SHROOM3: variants seen among roughly 807,000 people sequenced by gnomAD.
The protein encoded by SHROOM3 is protein Shroom3.
A neutral mutation model predicts 138.6 loss-of-function variants in SHROOM3; 47 were observed. The ratio of observed to expected loss-of-function variants is 0.34; its 90% CI spans 0.27 to 0.43. SHROOM3 has a LOEUF of 0.43. SHROOM3 is among the 20% of genes least tolerant of loss of function. SHROOM3 has a pLI of 1.00. For synonymous variants in SHROOM3, 1,062 were observed against 1,063.3 expected (o/e 1.00, Z 0.02); for missense variants, 2,491 against 2,596.5 (o/e 0.96, Z 0.88).
intron 2 of SHROOM3, among the ~76,000 whole-genome samples, chr4:76,642,123 G>A (rs1228474447): frequency 6.6e-6 from 1 of 152,130 alleles, no homozygotes; most frequent in Non-Finnish European, 1.5e-5. Flanking sequence ...TGTCTTATAT[G>A]TGCTTCTGAT....
chr4:76,573,836 C>T (rs1319490517), intron 2 of SHROOM3, among the ~76,000 whole-genome samples: 2 of 152,170 alleles, frequency 1.3e-5, no homozygotes, highest in Non-Finnish European at 2.9e-5. Flanking sequence ...GACCCAGGGC[C>T]CATCCTAGGA....
chr4:76,596,581 AACACACACACAC>A (rs58214296), intron 2 of SHROOM3, among the ~76,000 whole-genome samples: 78 of 138,226 alleles, frequency 5.6e-4, no homozygotes, highest in East Asian at 3.7e-3. Flanking sequence ...GGTACAGAGA[AACACACACACAC>A]ACACACACAC....
chr4:76,774,167 T>C (rs1362117181), intron 10 of SHROOM3, among the ~76,000 whole-genome samples: 2 of 152,150 alleles, frequency 1.3e-5, no homozygotes, highest in African/African-American at 2.4e-5. Context: ...AAGTTTCCTA[T>C]TGGGCCACCT....
chr4:76,503,167 CCACACACACACACA>C (rs111393161), intron 1 of SHROOM3, among the ~76,000 whole-genome samples: 2,284 of 145,924 alleles, frequency 0.016, 57 homozygotes, highest in African/African-American at 0.056. Context: ...TTGTCAACTT[CCACACACACACACA>C]CACACACACA....
intron 2 of SHROOM3, among the ~76,000 whole-genome samples, chr4:76,654,755 G>A (rs1209891247): frequency 6.6e-6 from 1 of 152,186 alleles, no homozygotes; most frequent in Non-Finnish European, 1.5e-5. Flanking sequence ...GCCTCTCACA[G>A]TTGGGGTGCC....
At chr4:76,648,725 T>C (rs551158454) in intron 2 of SHROOM3, among the ~76,000 whole-genome samples, 43 of 152,322 alleles carry the variant, frequency 2.8e-4, no homozygotes, top group African/African-American at 1.0e-3. Context: ...GATTAGAAAC[T>C]GTGACCATGT....
intron 2 of SHROOM3, among the ~76,000 whole-genome samples, chr4:76,609,565 C>G (rs532812015): frequency 6.6e-6 from 1 of 152,214 alleles, no homozygotes; most frequent in Non-Finnish European, 1.5e-5. Context: ...GCCATTGCAA[C>G]TGGCCCTCAG....
chr4:76,718,519 G>C (rs1720446914), intron 3 of SHROOM3, among the ~76,000 whole-genome samples: 2 of 152,212 alleles, frequency 1.3e-5, no homozygotes, highest in South Asian at 4.1e-4. Flanking sequence ...AGATTCTTTT[G>C]AGCATTATTT....
intron 1 of SHROOM3, among the ~76,000 whole-genome samples, chr4:76,502,302 C>T (rs1424916935): frequency 6.6e-6 from 1 of 152,074 alleles, no homozygotes; most frequent in Non-Finnish European, 1.5e-5. Context: ...ACAGAAAATG[C>T]ACTAAGACAC....
chr4:76,578,476 G>C (rs1255916372), intron 2 of SHROOM3, among the ~76,000 whole-genome samples: 2 of 152,186 alleles, frequency 1.3e-5, no homozygotes, highest in Non-Finnish European at 2.9e-5. Flanking sequence ...TTTGTGAACT[G>C]CATGGGGTTG....
At chr4:76,603,598 T>TA (rs1734554339) in intron 2 of SHROOM3, among the ~76,000 whole-genome samples, 1 of 152,104 alleles carries the variant, frequency 6.6e-6, no homozygotes, top group African/African-American at 2.4e-5. Context: ...TTCTTTTTTT[T>TA]AATATTTTAA....
intron 4 of SHROOM3, among the ~76,000 whole-genome samples, chr4:76,737,937 T>C (rs344139): frequency 0.45 from 68,539 of 151,648 alleles, 16,027 homozygotes; most frequent in Middle Eastern, 0.58. Flanking sequence ...TGATTGATAG[T>C]CTTTTTCCTC....
chr4:76,663,074 A>C (rs1718587909), intron 2 of SHROOM3, among the ~76,000 whole-genome samples: 1 of 152,186 alleles, frequency 6.6e-6, no homozygotes, highest in East Asian at 1.9e-4. Context: ...TGATCCTATA[A>C]GGGGACTTTG....
intron 9 of SHROOM3, among the ~76,000 whole-genome samples, chr4:76,761,890 T>C (rs535353682): frequency 3.3e-5 from 5 of 152,272 alleles, no homozygotes; most frequent in African/African-American, 9.6e-5. Flanking sequence ...ACCTAGCACG[T>C]GCTCAATAAA....
chr4:76,494,443 C>T (rs1264037439), intron 1 of SHROOM3, among the ~76,000 whole-genome samples: 1 of 152,192 alleles, frequency 6.6e-6, no homozygotes, highest in African/African-American at 2.4e-5. Context: ...CACTTAACAC[C>T]TCTGCATTGG....
intron 2 of SHROOM3, among the ~76,000 whole-genome samples, chr4:76,608,673 T>TAGCACAGCACAGCAC (rs559667555): frequency 1.9e-5 from 2 of 108,040 alleles, no homozygotes; most frequent in African/African-American, 7.0e-5. Context: ...TAGCACAGCA[T>TAGCACAGCACAGCAC]AGCACAGCAC....
At chr4:76,529,020 C>T (rs1056496003) in intron 1 of SHROOM3, among the ~76,000 whole-genome samples, 2 of 152,176 alleles carry the variant, frequency 1.3e-5, no homozygotes, top group African/African-American at 4.8e-5. Flanking sequence ...TGCCATCTGC[C>T]GCTGATGTTC....
chr4:76,655,656 G>T (rs2110090505), intron 2 of SHROOM3, among the ~76,000 whole-genome samples: 1 of 152,270 alleles, frequency 6.6e-6, no homozygotes, highest in South Asian at 2.1e-4. Context: ...AACACTGTAG[G>T]ATTAGCTGCC....
intron 2 of SHROOM3, among the ~76,000 whole-genome samples, chr4:76,678,782 T>G (rs1352922281): frequency 6.6e-6 from 1 of 152,170 alleles, no homozygotes; most frequent in Non-Finnish European, 1.5e-5. Flanking sequence ...TGCCTCAGCC[T>G]CCCGAGTAGC....
Sources: gnomAD v4.1 joint callset for allele counts (sites outside exome capture counted in the v4.1 genomes callset) on GRCh38, gnomAD v4.1.1 for gene constraint, MANE v1.5 for transcripts, NCBI Gene and HGNC (gene_info 2026-07-23, HGNC 2026-07-21) for gene names.